TRIOBP: variants seen among roughly 807,000 people sequenced by gnomAD.
TRIOBP encodes the protein TRIO and F-actin-binding protein.
TRIOBP carries 169 observed loss-of-function variants against 238.8 expected under a neutral mutation model. That is an observed-to-expected ratio of 0.71 (90% CI 0.62 to 0.80). The LOEUF is 0.80. Among genes scored for constraint, TRIOBP ranks in the 30% least tolerant of loss-of-function variants. The pLI is 0.00. For missense variants in TRIOBP, 2,838 were observed against 3,122.6 expected, an observed-to-expected ratio of 0.91 and a Z score of 2.17; for synonymous variants, 1,150 against 1,274.4, an observed-to-expected ratio of 0.90 and a Z score of 2.08.
At chr22:37,747,278 C>G (rs1210657234) in intron 11 of TRIOBP, among the ~76,000 whole-genome samples, 2 of 152,338 alleles carry the variant, frequency 1.3e-5, no homozygotes, top group Admixed American at 1.3e-4. Flanking sequence ...GTCCTTCTGG[C>G]CCACTGACCG....
chr22:37,759,694 C>A, intron 17 of TRIOBP: 1 of 1,510,412 alleles, frequency 6.6e-7, no homozygotes, highest in African/African-American at 1.4e-5. Flanking sequence ...ACAAGGAGGT[C>A]TGCAGGACAG....
chr22:37,716,215 G>A (rs895346944), intron 6 of TRIOBP, among the ~76,000 whole-genome samples: 2 of 151,866 alleles, frequency 1.3e-5, no homozygotes, highest in Non-Finnish European at 2.9e-5. Context: ...CAGTTCAAGC[G>A]ATTCTCCTGC....
intron 7 of TRIOBP, among the ~76,000 whole-genome samples, chr22:37,730,342 C>T (rs985489291): frequency 6.6e-6 from 1 of 152,140 alleles, no homozygotes; most frequent in Non-Finnish European, 1.5e-5. Context: ...TTGAGTCCCT[C>T]ACTCTTTTCT....
intron 17 of TRIOBP, among the ~76,000 whole-genome samples, chr22:37,764,912 G>A (rs748875806): frequency 6.6e-6 from 1 of 152,238 alleles, no homozygotes; most frequent in Non-Finnish European, 1.5e-5. Context: ...GGGAGAGGCT[G>A]CCCAGAGACA....
intron 11 of TRIOBP, chr22:37,750,833 C>T (rs189610450): frequency 1.2e-4 from 54 of 443,004 alleles, no homozygotes; most frequent in Non-Finnish European, 2.1e-4. Context: ...CCACTGTCAC[C>T]GCCCACTCCA....
In TRIOBP at chr22:37,769,084, A is replaced by T. The variant is rs200313246; in HGVS notation, c.6632A>T (p.Gln2211Leu). ...CAGGTGCTATCGGAGCAGTACTCGCAGAAGTGCCTGGAGATTGGGGCACTC... is the reference window on the plus strand; with the variant it reads ...CAGGTGCTATCGGAGCAGTACTCGCTGAAGTGCCTGGAGATTGGGGCACTC... The part of the protein sequence containing the change: ...ELQVLSEQYS[Q>L]KCLEIGALMR... Residue 2211 changes from glutamine to leucine, a missense_variant, in exon 20 of 24, where the codon CAG becomes CTG. This residue lies in a region of TRIOBP where 2,096 missense variants were observed against 2,137.4 expected (regional missense o/e 0.98). Transcript: ENST00000644935. 181 of 1,613,590 alleles carry T rather than the reference A, an allele frequency of 1.1e-4. 1 individual carries two copies. In the African/African-American group the frequency reaches 2.1e-3, roughly 19 times the overall value.
chr22:37,730,946 C>CAA (rs11316099), intron 7 of TRIOBP, among the ~76,000 whole-genome samples: 18 of 83,796 alleles, frequency 2.1e-4, no homozygotes, highest in African/African-American at 5.6e-4. Context: ...GACTCCATCT[C>CAA]AAAAAAAAAA....
intron 11 of TRIOBP, among the ~76,000 whole-genome samples, chr22:37,741,516 G>A (rs549187003): frequency 6.6e-6 from 1 of 152,246 alleles, no homozygotes; most frequent in African/African-American, 2.4e-5. Flanking sequence ...AGGGCAGGCA[G>A]CTGAGACCCG....
intron 9 of TRIOBP, among the ~76,000 whole-genome samples, chr22:37,737,997 C>A (rs1240043307): frequency 6.6e-6 from 1 of 152,202 alleles, no homozygotes; most frequent in African/African-American, 2.4e-5. Context: ...TCTCTACCTG[C>A]TTTATCTCTG....
intron 17 of TRIOBP, among the ~76,000 whole-genome samples, chr22:37,764,425 C>G (rs750528674): frequency 1.3e-5 from 2 of 152,242 alleles, no homozygotes; most frequent in Non-Finnish European, 2.9e-5. Flanking sequence ...AGCATCCACA[C>G]AAAAACTCTG....
chr22:37,723,327 T>A lies in TRIOBP; in HGVS notation c.771T>A (p.Ser257=). The A allele has an allele frequency of 6.2e-7, 1 of 1,614,074 alleles. No individual in the cohort carries two copies. The highest frequency in any genetic ancestry group is 8.5e-7 in the Non-Finnish European group (1 of 1,179,972). The change falls in exon 7 of 24, where the codon TCT becomes TCA. Residue 257 remains serine (S), a synonymous_variant. Transcript: ENST00000644935. The stretch of plus-strand genomic sequence containing the variant: ...ACAGTGGACCTCGAAGCACCACGTC[T>A]CAGGCTTCTCCTGCCCAAAGGGACA... ...TPHSGPRSTT[S]QASPAQRDTA...
In TRIOBP at chr22:37,752,184, G is replaced by A. The variant is rs565088103; in HGVS notation, c.5379+356G>A. ...ACAGATTCCTAAAGCCTGGTCTGAG[G>A]GGGGTGGGGCTCAGGGCGCAGGTGC... is the stretch of plus-strand genomic sequence containing the variant. On this transcript the variant is annotated intron_variant, in intron 12 of 23. Transcript: ENST00000644935. Among the ~76,000 whole-genome samples, 9 of 152,310 alleles carry A rather than the reference G, an allele frequency of 5.9e-5. No individual in the cohort carries two copies. In the East Asian group the frequency reaches 1.5e-3, roughly 26 times the overall value.
At chr22:37,740,435 G>A (rs1924876365) in intron 10 of TRIOBP, among the ~76,000 whole-genome samples, 1 of 152,228 alleles carries the variant, frequency 6.6e-6, no homozygotes. Context: ...GAGAAGGTGG[G>A]GGGGCACCGA....
At chr22:37,707,161 A>G (rs1055032027) in intron 3 of TRIOBP, among the ~76,000 whole-genome samples, 6 of 152,176 alleles carry the variant, frequency 3.9e-5, no homozygotes, top group African/African-American at 4.8e-5. Context: ...CTGTAATCCC[A>G]GCTACTCGGG....
At chr22:37,733,218 C>T in intron 7 of TRIOBP, 80 bp from the exon 8 acceptor site, 4 of 1,129,396 alleles carry the variant, frequency 3.5e-6, no homozygotes, top group Non-Finnish European at 5.3e-6. Context: ...CACATCTCCT[C>T]CTGTTGGAGG....
At chr22:37,717,335 GA>G (rs1923573945) in intron 6 of TRIOBP, among the ~76,000 whole-genome samples, 2 of 152,208 alleles carry the variant, frequency 1.3e-5, no homozygotes, top group African/African-American at 2.4e-5. Flanking sequence ...TGCAAAGAGC[GA>G]AAGAACAAAG....
intron 3 of TRIOBP, among the ~76,000 whole-genome samples, chr22:37,702,052 G>A (rs995597276): frequency 1.1e-4 from 16 of 152,160 alleles, no homozygotes; most frequent in East Asian, 1.9e-4. Flanking sequence ...GTGGTGAGCC[G>A]AGATCGCGCC....
In TRIOBP at chr22:37,713,343, C is replaced by G. The variant is rs549485431; in HGVS notation, c.388C>G (p.Pro130Ala). 6.2e-7 allele frequency: 1 copy of G among 1,613,984 alleles called. No homozygotes were observed. The highest frequency in any genetic ancestry group is 1.3e-5 in the African/African-American group (1 of 75,046). Residue 130 changes from proline to alanine, a missense_variant, in exon 5 of 24, where the codon CCC (proline) becomes GCC (alanine). Transcript: ENST00000644935. The stretch of plus-strand genomic sequence containing the variant: ...CTTGTGTGGCAGCTGCAACGAGGAC[C>G]CCGGCTCTGACCCCACCTCCAGCCC... The part of the protein sequence containing the change: ...TSLCGSCNED[P>A]GSDPTSSPDS...
At chr22:37,708,657 A>G (rs1021736374) in intron 3 of TRIOBP, among the ~76,000 whole-genome samples, 2 of 152,246 alleles carry the variant, frequency 1.3e-5, no homozygotes, top group African/African-American at 4.8e-5. Flanking sequence ...ACTGAGGCAC[A>G]GAGAGGATAA....
Sources: gnomAD v4.1 joint callset for allele counts (sites outside exome capture counted in the v4.1 genomes callset) on GRCh38, gnomAD v4.1.1 for gene constraint, gnomAD v4.1.1 regional missense constraint, MANE v1.5 for transcripts, NCBI Gene and HGNC (gene_info 2026-07-23, HGNC 2026-07-21) for gene names.